The following RMDN2 variants were observed in gnomAD, a reference collection of about 807,000 sequenced individuals.
RMDN2 encodes the protein regulator of microtubule dynamics protein 2.
In RMDN2, 61 loss-of-function variants were observed where a neutral mutation model predicts 52.8. The observed-to-expected ratio is 1.16, with a 90% CI of 0.94 to 1.43. The LOEUF is 1.43. RMDN2 is among the 40% of genes most tolerant of loss of function. The pLI is 0.00. For synonymous variants in RMDN2, 180 were observed against 153.1 expected (o/e 1.18, Z -1.30); for missense variants, 592 against 475.3 (o/e 1.25, Z -2.28).
chr2:38,007,664 A>T (rs1474800291), intron 10 of RMDN2, among the ~76,000 whole-genome samples: 1 of 152,046 alleles, frequency 6.6e-6, no homozygotes, highest in Admixed American at 6.6e-5. Context: ...CAGCTCCTGG[A>T]TTCATTGATT....
chr2:37,934,844 G>C (rs559632578), intron 2 of RMDN2, among the ~76,000 whole-genome samples: 1 of 152,084 alleles, frequency 6.6e-6, no homozygotes, highest in Admixed American at 6.5e-5. Flanking sequence ...TGTCATATTT[G>C]ACTTACGTTG....
chr2:38,044,292 T>C (rs1212006230), intron 10 of RMDN2, among the ~76,000 whole-genome samples: 1 of 152,094 alleles, frequency 6.6e-6, no homozygotes, highest in Non-Finnish European at 1.5e-5. Context: ...TTAGTTCCTC[T>C]GAATTCTTTC....
chr2:37,974,286 A>G, intron 3 of RMDN2, 72 bp downstream of exon 3: 1 of 991,470 alleles, frequency 1.0e-6, no homozygotes, highest in South Asian at 2.5e-5. Flanking sequence ...TTCAGTTATA[A>G]CTATAATAAT....
intron 5 of RMDN2, among the ~76,000 whole-genome samples, chr2:37,985,877 G>C (rs1347523822): frequency 6.6e-6 from 1 of 152,046 alleles, no homozygotes; most frequent in Non-Finnish European, 1.5e-5. Flanking sequence ...ATAGATTTTA[G>C]TTAATAGTGT....
At chr2:38,032,023 C>G (rs1472519255) in intron 10 of RMDN2, among the ~76,000 whole-genome samples, 1 of 152,210 alleles carries the variant, frequency 6.6e-6, no homozygotes, top group African/African-American at 2.4e-5. Context: ...TGCTCTCTCT[C>G]TCTCACTGGT....
intron 10 of RMDN2, among the ~76,000 whole-genome samples, chr2:38,040,045 C>T (rs1157126380): frequency 7.8e-5 from 11 of 141,670 alleles, no homozygotes; most frequent in Admixed American, 3.5e-4. Flanking sequence ...TGTCTAGATT[C>T]ATTATTATTA....
At chr2:37,951,206 C>A in intron 2 of RMDN2, 1 of 1,513,408 alleles carries the variant, frequency 6.6e-7, no homozygotes. Flanking sequence ...ATTTTTTTTC[C>A]TCATTTGACC....
Position 38,017,305 on chromosome 2 carries a change from G to T in RMDN2, c.*66G>T. The T allele has an allele frequency of 6.8e-7, 1 of 1,463,300 alleles. No individual in the cohort carries two copies. Among genetic ancestry groups the T allele is most frequent in the Non-Finnish European group, 9.1e-7 (1 of 1,103,184 alleles). 90.6% of individuals were successfully genotyped at this position (1,463,300 alleles called of 1,614,324 possible). On this transcript the variant is annotated 3_prime_UTR_variant, in exon 11 of 11. Transcript: ENST00000354545. Reference sequence around the variant, plus strand: ...CAAAATTTAAATGAATCAAAGTTGTGCTTTTATTATCCTTCATTTTTGATG... The same window carrying T: ...CAAAATTTAAATGAATCAAAGTTGTTCTTTTATTATCCTTCATTTTTGATG...
chr2:37,940,068 G>T (rs1667649953), intron 2 of RMDN2, among the ~76,000 whole-genome samples: 1 of 152,144 alleles, frequency 6.6e-6, no homozygotes, highest in East Asian at 1.9e-4. Flanking sequence ...CTCTTGTAAG[G>T]CAGGCCTGGT....
chr2:37,925,590 C>G (rs1395263685), intron 1 of RMDN2, among the ~76,000 whole-genome samples, 165 bp downstream of exon 1: 1 of 152,216 alleles, frequency 6.6e-6, no homozygotes, highest in Non-Finnish European at 1.5e-5. Flanking sequence ...TCTGCGTTCC[C>G]GGGGCTGGAG....
In RMDN2 at chr2:38,017,566, G is replaced by A. The variant is rs1424514716; in HGVS notation, c.*327G>A. On this transcript the variant is annotated 3_prime_UTR_variant, in exon 11 of 11. Coordinates refer to ENST00000354545, the MANE Select transcript of RMDN2 (RefSeq NM_001170791.3). Reference sequence around the variant, plus strand: ...AATGAATTCTCATGAATATTTTATTGTTTCAATGGAGACTTCGTAAGACAA... The same window carrying A: ...AATGAATTCTCATGAATATTTTATTATTTCAATGGAGACTTCGTAAGACAA... 3 of 1,212,256 alleles carry A rather than the reference G, an allele frequency of 2.5e-6. No individual in the cohort carries two copies. The highest frequency in any genetic ancestry group is 1.6e-5 in the African/African-American group (1 of 63,210). 75.1% of individuals were successfully genotyped at this position (1,212,256 alleles called of 1,614,324 possible). A position where few individuals can be genotyped will look rare whatever the true frequency, so the allele number is the denominator to read the frequency against.
intron 10 of RMDN2, among the ~76,000 whole-genome samples, chr2:38,059,862 T>A (rs1681972282): frequency 6.6e-6 from 1 of 151,996 alleles, no homozygotes; most frequent in Non-Finnish European, 1.5e-5. Flanking sequence ...TGTGTGTGTG[T>A]GGTTTTTTGT....
chr2:38,009,355 C>G (rs150267344), intron 10 of RMDN2, among the ~76,000 whole-genome samples: 1 of 152,176 alleles, frequency 6.6e-6, no homozygotes, highest in African/African-American at 2.4e-5. Context: ...ACCAATCAGA[C>G]GTAGATTTGG....
chr2:38,049,852 G>T (rs61219990), intron 10 of RMDN2, among the ~76,000 whole-genome samples: 31,694 of 152,110 alleles, frequency 0.21, 5,196 homozygotes, highest in East Asian at 0.67. Context: ...TACAGGTGAT[G>T]ACAAGATTAT....
intron 10 of RMDN2, among the ~76,000 whole-genome samples, chr2:38,050,716 C>T (rs1681542008): frequency 6.6e-6 from 1 of 152,140 alleles, no homozygotes; most frequent in Admixed American, 6.5e-5. Flanking sequence ...AGAACAATCT[C>T]ATTACATGGT....
intron 10 of RMDN2, among the ~76,000 whole-genome samples, chr2:38,060,439 T>A (rs915332230): frequency 2.0e-5 from 3 of 152,214 alleles, no homozygotes; most frequent in East Asian, 3.8e-4. Flanking sequence ...CCCCACTTTT[T>A]TCCTCAATAT....
intron 2 of RMDN2, among the ~76,000 whole-genome samples, chr2:37,936,636 A>G (rs1034871761): frequency 6.6e-6 from 1 of 152,218 alleles, no homozygotes. Flanking sequence ...CACTTCTCCA[A>G]TGAACAGTGA....
chr2:37,927,878 A>T (rs576149337), intron 1 of RMDN2, among the ~76,000 whole-genome samples: 1 of 152,348 alleles, frequency 6.6e-6, no homozygotes, highest in East Asian at 1.9e-4. Context: ...TTACAAATTG[A>T]TTGGAATCTG....
intron 2 of RMDN2, among the ~76,000 whole-genome samples, chr2:37,966,313 A>C (rs2125041636): frequency 1.3e-5 from 2 of 152,130 alleles, no homozygotes. Context: ...GCTACTTGGG[A>C]GGCTGAGGCA....
Sources: allele counts gnomAD v4.1 joint callset (sites outside exome capture counted in the v4.1 genomes callset), GRCh38; gene constraint gnomAD v4.1.1; transcripts MANE v1.5; gene names NCBI Gene and HGNC (gene_info 2026-07-23, HGNC 2026-07-21).